DOCK11: variants seen among roughly 807,000 people sequenced by gnomAD.
DOCK11 encodes the protein dedicator of cytokinesis protein 11.
A neutral mutation model predicts 169.1 loss-of-function variants in DOCK11; 70 were observed. That is an observed-to-expected ratio of 0.41 (90% CI 0.34 to 0.51). The LOEUF is 0.51. Ranked by LOEUF, DOCK11 falls within the 20% of genes least tolerant of loss-of-function variation. DOCK11 has a pLI of 0.10. For synonymous variants in DOCK11, 529 were observed against 541.3 expected (o/e 0.98, Z 0.32); for missense variants, 1,166 against 1,538.8 (o/e 0.76, Z 4.05).
At chrX:118,531,412 C>CAAAAAAAAAAAAAAA (rs60932296) in intron 1 of DOCK11, among the ~76,000 whole-genome samples, 1 of 29,205 alleles carries the variant, frequency 3.4e-5, no homozygotes, top group African/African-American at 1.2e-4. Flanking sequence ...GCCATATACT[C>CAAAAAAAAAAAAAAA]AAAAAAAAAA....
chrX:118,675,370 C>T (rs941732466), intron 46 of DOCK11, among the ~76,000 whole-genome samples: 3 of 111,916 alleles, frequency 2.7e-5, no homozygotes, highest in Non-Finnish European at 3.8e-5. Flanking sequence ...AAAAATATTC[C>T]GATCCTGTAG....
chrX:118,635,935 G>T (rs934321285), intron 35 of DOCK11, among the ~76,000 whole-genome samples: 2 of 111,477 alleles, frequency 1.8e-5, no homozygotes, highest in African/African-American at 6.5e-5. Context: ...CCTCTGAGTA[G>T]CAGGCAACGG....
chrX:118,547,652 G>C (rs1055410574), intron 6 of DOCK11, among the ~76,000 whole-genome samples: 2 of 112,341 alleles, frequency 1.8e-5, no homozygotes, highest in Non-Finnish European at 3.8e-5. Flanking sequence ...AGGTCCCACA[G>C]CTCCAAGTTT....
At chrX:118,592,983 T>C (rs1279022875) in intron 19 of DOCK11, among the ~76,000 whole-genome samples, 1 of 112,736 alleles carries the variant, frequency 8.9e-6, no homozygotes, top group Non-Finnish European at 1.9e-5. Context: ...GGAGAATCCA[T>C]TGTACTCTCC....
At chrX:118,567,409 C>G (rs1603071429) in intron 9 of DOCK11, among the ~76,000 whole-genome samples, 1 of 107,935 alleles carries the variant, frequency 9.3e-6, no homozygotes, top group South Asian at 4.0e-4. Context: ...TTTAGGGACA[C>G]AGTCATGATC....
chrX:118,677,628 C>G (rs568294125), intron 48 of DOCK11, among the ~76,000 whole-genome samples: 2 of 112,704 alleles, frequency 1.8e-5, no homozygotes, highest in African/African-American at 6.4e-5. Flanking sequence ...ACTTCATTGT[C>G]TACCACGAAA....
chrX:118,526,170 G>A (rs2011370643), intron 1 of DOCK11, among the ~76,000 whole-genome samples: 1 of 112,143 alleles, frequency 8.9e-6, no homozygotes. Context: ...GGGTCAGCAG[G>A]TCTGGCTTCC....
intron 10 of DOCK11, among the ~76,000 whole-genome samples, chrX:118,568,411 T>TATAC (rs2013156653): frequency 1.3e-5 from 1 of 78,567 alleles, no homozygotes; most frequent in Non-Finnish European, 2.4e-5. Context: ...TATATATATA[T>TATAC]ATATATATAT....
chrX:118,583,367 AT>A (rs2013715224), intron 14 of DOCK11, among the ~76,000 whole-genome samples: 1 of 110,820 alleles, frequency 9.0e-6, no homozygotes, highest in East Asian at 2.8e-4. Flanking sequence ...ACCATGGCAC[AT>A]GTATACCTGT....
intron 51 of DOCK11, 28 bp downstream of exon 51, chrX:118,681,822 A>G (rs1344925933): frequency 9.0e-7 from 1 of 1,106,310 alleles, no homozygotes. Flanking sequence ...TTCAGGTTAG[A>G]CCCGTGTTCG....
chrX:118,670,047 G>T (rs12851051), intron 45 of DOCK11, among the ~76,000 whole-genome samples: 16,014 of 111,171 alleles, frequency 0.14, 857 homozygotes, highest in Middle Eastern at 0.22. Flanking sequence ...TTCAAATAAG[G>T]TCACATTCTG....
chrX:118,678,485 T>A (rs1004076897), intron 48 of DOCK11, among the ~76,000 whole-genome samples: 1 of 111,504 alleles, frequency 9.0e-6, no homozygotes, highest in Non-Finnish European at 1.9e-5. Context: ...TTATTTTATT[T>A]TTTTTTAGAC....
intron 31 of DOCK11, among the ~76,000 whole-genome samples, chrX:118,624,050 G>A (rs1395952000): frequency 4.4e-5 from 5 of 112,381 alleles, no homozygotes; most frequent in African/African-American, 1.6e-4. Flanking sequence ...TAGCTTTAAT[G>A]GAAGCAAAAA....
Position 118,561,195 on chromosome X carries a change from T to A in DOCK11, c.559-188T>A, listed in dbSNP as rs184376487. On this transcript the variant is annotated intron_variant, in intron 6 of 52. Coordinates refer to ENST00000276202, the MANE Select transcript of DOCK11 (RefSeq NM_144658.4). ...AGATATTTGATTAACTGAGGGTAAA[T>A]CATGTGATTTTCATTCACTATCTTA... 7.8e-4 allele frequency among the ~76,000 whole-genome samples: 87 copies of A among 111,995 alleles called. 1 individual carries two copies. Among genetic ancestry groups the A allele is most frequent in the African/African-American group, 2.6e-3 (80 of 30,880 alleles).
intron 1 of DOCK11, among the ~76,000 whole-genome samples, chrX:118,514,472 G>A (rs1238033311): frequency 1.8e-5 from 2 of 110,754 alleles, no homozygotes; most frequent in Non-Finnish European, 1.9e-5. Flanking sequence ...TCTTGAGAGC[G>A]TGGGGGAGAT....
intron 1 of DOCK11, among the ~76,000 whole-genome samples, chrX:118,508,315 A>G (rs1229941559): frequency 9.0e-6 from 1 of 111,539 alleles, no homozygotes; most frequent in Non-Finnish European, 1.9e-5. Flanking sequence ...AAAAATAACA[A>G]CATATATATT....
chrX:118,605,992 G>A (rs2014487367), intron 24 of DOCK11, among the ~76,000 whole-genome samples: 1 of 109,523 alleles, frequency 9.1e-6, no homozygotes, highest in African/African-American at 3.3e-5. Flanking sequence ...TTATGTAAAT[G>A]TTCTGCACTT....
chrX:118,675,997 A>T lies in DOCK11; in HGVS notation c.5261A>T (p.His1754Leu). 1 of 1,203,955 alleles carries T rather than the reference A, an allele frequency of 8.3e-7. No individual in the cohort carries two copies. Among genetic ancestry groups the T allele is most frequent in the Non-Finnish European group, 1.1e-6 (1 of 892,888 alleles). ...TACACAAAAATTCTGGAAGTTATGC[A>T]TACAAAAAAGAGACTTTTAGGCACT... ...GAYTKILEVMHTKKRLLGTFF... is the reference protein window; with the variant it reads ...GAYTKILEVMLTKKRLLGTFF... Residue 1754 changes from histidine (H) to leucine (L), a missense_variant, in exon 47 of 53, where the codon CAT (histidine) becomes CTT (leucine). Transcript: ENST00000276202.
chrX:118,578,899 A>G (rs1489311606), intron 13 of DOCK11, among the ~76,000 whole-genome samples: 3 of 112,097 alleles, frequency 2.7e-5, no homozygotes, highest in African/African-American at 9.7e-5. Flanking sequence ...AATTGACACC[A>G]TATCCTTGAC....
Sources: gnomAD v4.1 joint callset for allele counts (sites outside exome capture counted in the v4.1 genomes callset) on GRCh38, gnomAD v4.1.1 for gene constraint, MANE v1.5 for transcripts, NCBI Gene and HGNC (gene_info 2026-07-23, HGNC 2026-07-21) for gene names.